TBC1D20: variants seen among roughly 807,000 people sequenced by gnomAD.
The protein encoded by TBC1D20 is chromosome 20 open reading frame 140.
Under a neutral mutation model 41.6 loss-of-function variants are expected in TBC1D20, and 12 were observed. The observed-to-expected ratio is 0.29, with a 90% CI of 0.18 to 0.47. TBC1D20 has a LOEUF of 0.47. Among genes scored for constraint, TBC1D20 ranks in the 20% least tolerant of loss-of-function variants. TBC1D20 has a pLI of 1.00. For synonymous variants in TBC1D20, 205 were observed against 204.8 expected (o/e 1.00, Z -0.01); for missense variants, 421 against 517.4 (o/e 0.81, Z 1.81).
At chr20:447,769 C>T in intron 2 of TBC1D20, 120 bp downstream of exon 2, 2 of 771,210 alleles carry the variant, frequency 2.6e-6, no homozygotes, top group Non-Finnish European at 3.7e-6. Context: ...TTTCCCAAAA[C>T]ACCCTAGATT....
At chr20:450,140 G>C (rs1287126818) in intron 1 of TBC1D20, among the ~76,000 whole-genome samples, 1 of 151,420 alleles carries the variant, frequency 6.6e-6, no homozygotes, top group Non-Finnish European at 1.5e-5. Flanking sequence ...AAAAACATTA[G>C]AATCACATAG....
At chr20:453,510 A>ACGGAC (rs1172487728) in intron 1 of TBC1D20, among the ~76,000 whole-genome samples, 3 of 137,230 alleles carry the variant, frequency 2.2e-5, no homozygotes, top group Non-Finnish European at 4.7e-5. Context: ...GACAGCAACC[A>ACGGAC]CGGACGGTGG....
At chr20:454,351 C>T (rs566796495) in intron 1 of TBC1D20, among the ~76,000 whole-genome samples, 8 of 150,656 alleles carry the variant, frequency 5.3e-5, no homozygotes, top group Non-Finnish European at 1.2e-4. Context: ...TGTATACACA[C>T]AAAGGAAATG....
Position 438,206 on chromosome 20 carries a change from C to G in TBC1D20, c.*380G>C, listed in dbSNP as rs2017154903. On this transcript the variant is annotated 3_prime_UTR_variant, in exon 8 of 8. Transcript: ENST00000354200. ...GCAAGCAGGAGCAGTAAGAGGGCAT[C>G]CCATGTTCCAGTTCACCTTCTATGG... 1.0e-5 allele frequency: 2 copies of G among 197,862 alleles called. No homozygotes were observed. The highest frequency in any genetic ancestry group is 1.9e-4 in the South Asian group (2 of 10,768). The allele number at this position is 197,862 out of a possible 1,614,324, so 12.3% of individuals were successfully genotyped here.
At chr20:449,285 T>TA (rs1169245536) in intron 1 of TBC1D20, among the ~76,000 whole-genome samples, 663 of 56,922 alleles carry the variant, frequency 0.012, 25 homozygotes, top group African/African-American at 0.043. Flanking sequence ...CCCAATACAT[T>TA]AAAAAAAAAA....
At chr20:448,816 C>A (rs2017387572) in intron 1 of TBC1D20, among the ~76,000 whole-genome samples, 1 of 151,612 alleles carries the variant, frequency 6.6e-6, no homozygotes, top group Non-Finnish European at 1.5e-5. Flanking sequence ...TGCCACCATG[C>A]CTGGTCCAGA....
intron 2 of TBC1D20, 114 bp downstream of exon 2, chr20:447,775 A>C: frequency 1.2e-6 from 1 of 841,770 alleles, no homozygotes; most frequent in Middle Eastern, 3.9e-4. Context: ...AAAACACCCT[A>C]GATTTATTCA....
chr20:437,484 A>C lies in TBC1D20; in HGVS notation c.*1102T>G, dbSNP rs1352113613. The C allele has an allele frequency of 1.3e-5, 2 of 152,546 alleles. No homozygotes were observed. Among genetic ancestry groups the C allele is most frequent in the African/African-American group, 4.8e-5 (2 of 41,444 alleles). 9.4% of individuals were successfully genotyped at this position (152,546 alleles called of 1,614,324 possible). A position where few individuals can be genotyped will look rare whatever the true frequency, so the allele number is the denominator to read the frequency against. On this transcript the variant is annotated 3_prime_UTR_variant, in exon 8 of 8. Coordinates refer to ENST00000354200, the MANE Select transcript of TBC1D20 (RefSeq NM_144628.4). Reference sequence around the variant, plus strand: ...GACTGAGTGATGCCTCTTGTTCCCTAAGGTCTGGAGAGTCTTTGCAAGTTT... The same window carrying C: ...GACTGAGTGATGCCTCTTGTTCCCTCAGGTCTGGAGAGTCTTTGCAAGTTT...
At chr20:457,927 G>GA (rs1270864899) in intron 1 of TBC1D20, among the ~76,000 whole-genome samples, 2 of 151,954 alleles carry the variant, frequency 1.3e-5, no homozygotes, top group African/African-American at 2.4e-5. Flanking sequence ...CCAACAAAGA[G>GA]AAAAAACCTA....
At chr20:451,907 G>A (rs1401614301) in intron 1 of TBC1D20, among the ~76,000 whole-genome samples, 1 of 152,128 alleles carries the variant, frequency 6.6e-6, no homozygotes, top group African/African-American at 2.4e-5. Flanking sequence ...ATAACCTGTA[G>A]AATCTTATTT....
At chr20:460,523 G>C (rs1471764664) in intron 1 of TBC1D20, among the ~76,000 whole-genome samples, 1 of 151,794 alleles carries the variant, frequency 6.6e-6, no homozygotes, top group Non-Finnish European at 1.5e-5. Flanking sequence ...CTGGGTAAGA[G>C]TTCTATTAAA....
rs776111089 is a variant in TBC1D20, at chr20:441,911, A to G, written c.470T>C (p.Val157Ala). The change falls in exon 4 of 8, where the codon GTA (valine) becomes GCA (alanine). Residue 157 changes from valine to alanine, a missense_variant. This residue lies in a region of TBC1D20 where 110 missense variants were observed against 183.5 expected (regional missense o/e 0.60). Coordinates refer to ENST00000354200, the MANE Select transcript of TBC1D20 (RefSeq NM_144628.4). The part of the protein sequence containing the change: ...HDIVVTFLLV[V>A]GERLATSLVE... ...CAGGGATGTTGCCAGCCTCTCGCCT[A>G]CCACCAGCAGAAATGTGACCACAAT... 1.2e-6 allele frequency: 2 copies of G among 1,614,088 alleles called. No individual in the cohort carries two copies. Among genetic ancestry groups the G allele is most frequent in the African/African-American group, 1.3e-5 (1 of 74,994 alleles).
intron 1 of TBC1D20, among the ~76,000 whole-genome samples, chr20:448,678 G>T (rs1436302888): frequency 7.0e-6 from 1 of 141,898 alleles, no homozygotes; most frequent in Non-Finnish European, 1.5e-5. Context: ...GACAGAGCGA[G>T]ACTCCGTCTT....
chr20:448,097 AT>A, intron 1 of TBC1D20, 23 bp from the exon 2 acceptor site: 1 of 1,580,744 alleles, frequency 6.3e-7, no homozygotes, highest in Non-Finnish European at 8.7e-7. Context: ...ATAGGGAAGA[AT>A]TAGGCGCACA....
intron 1 of TBC1D20, among the ~76,000 whole-genome samples, chr20:458,544 C>G (rs180987306): frequency 6.6e-6 from 1 of 152,076 alleles, no homozygotes; most frequent in Admixed American, 6.6e-5. Flanking sequence ...AACTCCTGGG[C>G]TCTAGTGATC....
intron 2 of TBC1D20, among the ~76,000 whole-genome samples, chr20:445,394 G>A (rs769499439): frequency 2.6e-5 from 4 of 152,182 alleles, no homozygotes; most frequent in African/African-American, 7.2e-5. Flanking sequence ...GAGCAAAGAC[G>A]TAAGGAGGCC....
intron 5 of TBC1D20, chr20:440,843 C>G (rs1480574348): frequency 6.4e-6 from 1 of 155,040 alleles, no homozygotes; most frequent in Non-Finnish European, 1.4e-5. Context: ...ATAATCTCAG[C>G]ACTTTGGGAG....
chr20:441,718 T>A (rs1361484800), intron 4 of TBC1D20, 29 bp from the exon 5 acceptor site: 5 of 1,609,984 alleles, frequency 3.1e-6, no homozygotes, highest in Non-Finnish European at 3.4e-6. Flanking sequence ...ATAAGCCTGG[T>A]TACCAAACAC....
Position 441,867 on chromosome 20 carries a change from G to A in TBC1D20, c.514C>T (p.His172Tyr). Residue 172 changes from histidine to tyrosine, a missense_variant, in exon 4 of 8, where the codon CAC becomes TAC. Transcript: ENST00000354200. Reference protein sequence around the residue: ...ATSLVEKLSTHHLRDFMDPTM... With the variant: ...ATSLVEKLSTYHLRDFMDPTM... ...CCTCTCTACTGGTACCTGAGGTGGT[G>A]GGTAGATAATTTTTCTACCAGGGAT... 1 of 1,613,684 alleles carries A rather than the reference G, an allele frequency of 6.2e-7. No individual in the cohort carries two copies. The highest frequency in any genetic ancestry group is 8.5e-7 in the Non-Finnish European group (1 of 1,179,706).
Sources: gnomAD v4.1 joint callset for allele counts (sites outside exome capture counted in the v4.1 genomes callset) on GRCh38, gnomAD v4.1.1 for gene constraint, gnomAD v4.1.1 regional missense constraint, MANE v1.5 for transcripts, NCBI Gene and HGNC (gene_info 2026-07-23, HGNC 2026-07-21) for gene names.